CMSS1: variants seen among roughly 807,000 people sequenced by gnomAD.
The protein encoded by CMSS1 is protein CMSS1.
CMSS1 carries 33 observed loss-of-function variants against 43.5 expected under a neutral mutation model. That is an observed-to-expected ratio of 0.76 (90% CI 0.57 to 1.01). CMSS1 has a LOEUF of 1.01. Ranked by LOEUF, CMSS1 falls within the 50% of genes least tolerant of loss-of-function variation. The pLI is 0.00. For missense variants in CMSS1, 313 were observed against 326.4 expected (o/e 0.96, Z 0.32); for synonymous variants, 115 against 117.2 (o/e 0.98, Z 0.12).
intron 1 of CMSS1, among the ~76,000 whole-genome samples, chr3:99,987,413 C>G (rs1709374756): frequency 6.6e-6 from 1 of 151,142 alleles, no homozygotes; most frequent in Non-Finnish European, 1.5e-5. Context: ...CCTGTTATCT[C>G]AGCTACTCGG....
In CMSS1 at chr3:100,026,711, ACTT is replaced by A. The variant is rs1246945737; in HGVS notation, c.65-120258_65-120256del. On this transcript the variant is annotated intron_variant, in intron 1 of 9. Transcript: ENST00000421999. ...CTCAAAATATATTCAGAATCTGATC[ACTT>A]CTTACGGATTTCTGTTGCACTACTG... is the stretch of plus-strand genomic sequence containing the variant. Among the ~76,000 whole-genome samples the A allele has an allele frequency of 2.0e-5, 3 of 152,236 alleles. No individual in the cohort carries two copies. In the East Asian group the frequency reaches 5.8e-4, roughly 29 times the overall value.
intron 1 of CMSS1, chr3:100,040,002 C>T (rs1161209881): frequency 6.6e-6 from 1 of 152,220 alleles, no homozygotes; most frequent in East Asian, 1.9e-4. Context: ...ATCCGCCCAC[C>T]TTGGCCTTCC....
intron 1 of CMSS1, chr3:99,930,659 G>T: frequency 8.5e-7 from 1 of 1,176,330 alleles, no homozygotes; most frequent in Non-Finnish European, 1.2e-6. Flanking sequence ...TTGCTTTCAT[G>T]TACACACATG....
chr3:100,152,607 A>G lies in CMSS1; in HGVS notation c.153+5546A>G, dbSNP rs75022092. ...TTTGTTTCTTCTGAGGTCTTCACGA[A>G]TGGTTTTAAGTCACACCCTTGATTT... On this transcript the variant is annotated intron_variant, in intron 2 of 9. Transcript: ENST00000421999. Among the ~76,000 whole-genome samples, 342 of 152,320 alleles carry G rather than the reference A, an allele frequency of 2.2e-3. 3 individuals carry two copies. The highest frequency in any genetic ancestry group is 8.1e-3 in the African/African-American group (337 of 41,554).
rs749740482 is a variant in CMSS1, at chr3:99,848,395, C to T, written c.64+30352C>T. ...TTTGTTTAGTGCCCCGTTAATTAAG[C>T]CTTGAGTTCGGTTATCCTGCAGTGG... On this transcript the variant is annotated intron_variant, in intron 1 of 9. Coordinates refer to ENST00000421999, the MANE Select transcript of CMSS1 (RefSeq NM_032359.4). The T allele has an allele frequency of 2.8e-5, 45 of 1,614,032 alleles. No homozygotes were observed. The highest frequency in any genetic ancestry group is 5.0e-5 in the Admixed American group (3 of 60,010).
chr3:99,967,932 G>A (rs542033813), intron 1 of CMSS1, among the ~76,000 whole-genome samples: 8 of 152,356 alleles, frequency 5.3e-5, no homozygotes, highest in African/African-American at 1.4e-4. Flanking sequence ...GCAACGGTAT[G>A]TGGGAGTGTC....
chr3:100,092,486 A>G (rs2066127709), intron 1 of CMSS1, among the ~76,000 whole-genome samples: 2 of 151,964 alleles, frequency 1.3e-5, no homozygotes, highest in African/African-American at 2.4e-5. Flanking sequence ...GCTGAAAAAT[A>G]AAGTACAAAT....
rs140976409 is a variant in CMSS1, at chr3:99,997,031, C to T, written c.65-149942C>T. Among the ~76,000 whole-genome samples the T allele has an allele frequency of 3.6e-3, 554 of 152,228 alleles. 2 individuals are homozygous for T. The highest frequency in any genetic ancestry group is 6.8e-3 in the Middle Eastern group (2 of 294). On this transcript the variant is annotated intron_variant, in intron 1 of 9. Transcript: ENST00000421999. ...AATGGAAAGTTTATAGCATTAAATG[C>T]GTACATCAATAAAATATCTGAAATT...
intron 1 of CMSS1, among the ~76,000 whole-genome samples, chr3:99,903,759 C>T (rs1376135650): frequency 6.6e-6 from 1 of 152,042 alleles, no homozygotes; most frequent in Non-Finnish European, 1.5e-5. Context: ...GGATCAGTGA[C>T]GTGGCCCCCA....
At chr3:100,086,129 C>T (rs1452619598) in intron 1 of CMSS1, among the ~76,000 whole-genome samples, 1 of 152,190 alleles carries the variant, frequency 6.6e-6, no homozygotes, top group African/African-American at 2.4e-5. Flanking sequence ...CTTTCTGCAG[C>T]GAACCTGCAT....
rs6764470 is a variant in CMSS1, at chr3:100,065,672, G to T, written c.65-81301G>T. On this transcript the variant is annotated intron_variant, in intron 1 of 9. Coordinates refer to ENST00000421999, the MANE Select transcript of CMSS1 (RefSeq NM_032359.4). ...TAGTTGTCACCATTATAAAGCTGAGGTGCAAATGACACTTGATTTGTTTTC... is the reference window on the plus strand; with the variant it reads ...TAGTTGTCACCATTATAAAGCTGAGTTGCAAATGACACTTGATTTGTTTTC... 5.5e-3 allele frequency among the ~76,000 whole-genome samples: 684 copies of T among 123,662 alleles called. 7 individuals are homozygous for T. Among genetic ancestry groups the T allele is most frequent in the African/African-American group, 0.019 (667 of 35,470 alleles). 81.1% of individuals were successfully genotyped at this position (123,662 alleles called of 152,430 possible).
rs1333939473 is a variant in CMSS1 at position 100,035,374 on chromosome 3, A to G, written c.65-111599A>G. The stretch of plus-strand genomic sequence containing the variant: ...CTGCAACCCCCGCCTCCTGGGTTCA[A>G]GCAATTCTCCTGCCTCAGCCTCCGG... On this transcript the variant is annotated intron_variant, in intron 1 of 9. Coordinates refer to ENST00000421999, the MANE Select transcript of CMSS1 (RefSeq NM_032359.4). 2.0e-5 allele frequency among the ~76,000 whole-genome samples: 3 copies of G among 152,248 alleles called. No individual in the cohort carries two copies. In the East Asian group the frequency reaches 5.8e-4, roughly 29 times the overall value.
At chr3:99,827,540 A>G (rs535930465) in intron 1 of CMSS1, among the ~76,000 whole-genome samples, 3 of 152,188 alleles carry the variant, frequency 2.0e-5, no homozygotes, top group South Asian at 2.1e-4. Flanking sequence ...TTAGAACTGC[A>G]TTACCATTTA....
At chr3:100,145,446 T>C (rs1447386091) in intron 1 of CMSS1, among the ~76,000 whole-genome samples, 1 of 145,296 alleles carries the variant, frequency 6.9e-6, no homozygotes, top group Non-Finnish European at 1.5e-5. Context: ...AGATTCCGTC[T>C]CAAAAAAAAA....
chr3:100,062,151 C>T (rs989093370), intron 1 of CMSS1, among the ~76,000 whole-genome samples: 7 of 126,914 alleles, frequency 5.5e-5, no homozygotes, highest in African/African-American at 2.2e-4. Context: ...TTGCTCTGTC[C>T]CCCAGGCTGG....
At chr3:100,066,991 C>T (rs1173522673) in intron 1 of CMSS1, among the ~76,000 whole-genome samples, 1 of 152,118 alleles carries the variant, frequency 6.6e-6, no homozygotes, top group Non-Finnish European at 1.5e-5. Context: ...ATGTGTGTCC[C>T]ATACACATAT....
intron 1 of CMSS1, among the ~76,000 whole-genome samples, chr3:99,926,757 A>G (rs1031247130): frequency 6.6e-6 from 1 of 152,238 alleles, no homozygotes; most frequent in African/African-American, 2.4e-5. Context: ...TTTTATACAA[A>G]CCAAAGAGAG....
intron 1 of CMSS1, among the ~76,000 whole-genome samples, chr3:100,070,604 C>T (rs1164000887): frequency 6.6e-6 from 1 of 152,038 alleles, no homozygotes. Context: ...ATAAAGACTT[C>T]ATATCATCGT....
chr3:99,820,989 A>G (rs541302333), intron 1 of CMSS1, among the ~76,000 whole-genome samples: 1 of 152,356 alleles, frequency 6.6e-6, no homozygotes, highest in East Asian at 1.9e-4. Flanking sequence ...CCATGGTAGC[A>G]AGGCAGTGGA....
Sources: allele counts gnomAD v4.1 joint callset (sites outside exome capture counted in the v4.1 genomes callset), GRCh38; gene constraint gnomAD v4.1.1; transcripts MANE v1.5; gene names NCBI Gene and HGNC (gene_info 2026-07-23, HGNC 2026-07-21).